Variants in SIK2 observed in about 807,000 individuals in gnomAD.
The protein encoded by SIK2 is salt inducible kinase 2.
Under a neutral mutation model 103.2 loss-of-function variants are expected in SIK2, and 29 were observed. That is an observed-to-expected ratio of 0.28 (90% CI 0.21 to 0.38). SIK2 has a LOEUF of 0.38. SIK2 is among the 10% of genes least tolerant of loss of function. SIK2 has a pLI of 1.00. For synonymous variants in SIK2, 412 were observed against 446.1 expected, an observed-to-expected ratio of 0.92 and a Z score of 0.96; for missense variants, 879 against 1,171.0, an observed-to-expected ratio of 0.75 and a Z score of 3.64.
intron 1 of SIK2, among the ~76,000 whole-genome samples, chr11:111,612,295 T>C (rs916494758): frequency 6.6e-6 from 1 of 152,180 alleles, no homozygotes; most frequent in Non-Finnish European, 1.5e-5. Context: ...GGGAAATAAA[T>C]GAGATAAAAT....
intron 3 of SIK2, among the ~76,000 whole-genome samples, chr11:111,667,285 A>G (rs994909751): frequency 3.3e-5 from 5 of 151,948 alleles, no homozygotes; most frequent in Non-Finnish European, 5.9e-5. Context: ...ATTACAGTAA[A>G]ATTCCTAAGT....
chr11:111,720,622 G>T lies in SIK2; in HGVS notation c.1640G>T (p.Arg547Leu), dbSNP rs199644978. The T allele has an allele frequency of 4.3e-6, 7 of 1,613,874 alleles. No individual in the cohort carries two copies. The highest frequency in any genetic ancestry group is 4.2e-6 in the Non-Finnish European group (5 of 1,180,024). Residue 547 changes from arginine (R) to leucine (L), a missense_variant, in exon 11 of 15, where the codon CGC (arginine) becomes CTC (leucine). Transcript: ENST00000304987. ...DIMLANQPSP[R>L]MTSPFISLRP... ...ATGTTAGCCAATCAGCCTTCACCCC[G>T]CATGACATCTCCCTTCATAAGCCTG... is the stretch of plus-strand genomic sequence containing the variant.
Position 111,602,715 on chromosome 11 carries a change from G to C in SIK2, c.135+17G>C. ...AAGACGGAGGTGCGGCCCGGGGCTC[G>C]GCGGGAGCGTCCGAGGCGAGGGTTC... is the stretch of plus-strand genomic sequence containing the variant. On this transcript the variant is annotated intron_variant, in intron 1 of 14. Transcript: ENST00000304987. This position sits in a 1 kb window ranked among gnomAD's most constrained non-coding sequence, Gnocchi z 4.5. The C allele has an allele frequency of 6.7e-7, 1 of 1,492,540 alleles. No individual in the cohort carries two copies. Among genetic ancestry groups the C allele is most frequent in the Admixed American group, 2.2e-5 (1 of 44,932 alleles). 92.5% of individuals were successfully genotyped at this position (1,492,540 alleles called of 1,614,324 possible).
rs773695344 is a variant in SIK2, at chr11:111,602,581, C to T, written c.18C>T (p.Gly6=). 10 of 1,529,092 alleles carry T rather than the reference C, an allele frequency of 6.5e-6. No homozygotes were observed. In the Admixed American group the frequency reaches 1.8e-4, roughly 28 times the overall value. 94.7% of individuals were successfully genotyped at this position (1,529,092 alleles called of 1,614,324 possible). The change falls in exon 1 of 15, where the codon GGC becomes GGT. Residue 6 remains glycine, a synonymous_variant. Coordinates refer to ENST00000304987, the MANE Select transcript of SIK2 (RefSeq NM_015191.3). The surrounding 1 kb of genome is among the most constrained non-coding windows in gnomAD (Gnocchi z 4.5). ...GGCCCAGCATGGTCATGGCGGATGG[C>T]CCGAGGCACTTGCAGCGCGGGCCGG... MVMAD[G]PRHLQRGPVR...
At chr11:111,606,969 A>C (rs1337172643) in intron 1 of SIK2, among the ~76,000 whole-genome samples, 5 of 151,346 alleles carry the variant, frequency 3.3e-5, no homozygotes, top group Admixed American at 6.6e-5. Flanking sequence ...AAAAAAAAAA[A>C]CTTATAAATA....
At chr11:111,654,407 A>G (rs896896763) in intron 3 of SIK2, among the ~76,000 whole-genome samples, 1 of 152,164 alleles carries the variant, frequency 6.6e-6, no homozygotes, top group African/African-American at 2.4e-5. Context: ...GATCTGAGTT[A>G]TTATTATTCA....
intron 3 of SIK2, among the ~76,000 whole-genome samples, chr11:111,625,503 A>G (rs1941949250): frequency 7.9e-5 from 12 of 152,218 alleles, no homozygotes; most frequent in Admixed American, 7.8e-4. Flanking sequence ...TTTAGAAAAG[A>G]GGAGAAACTA....
At chr11:111,661,732 A>G (rs543602414) in intron 3 of SIK2, among the ~76,000 whole-genome samples, 1 of 152,220 alleles carries the variant, frequency 6.6e-6, no homozygotes, top group Non-Finnish European at 1.5e-5. Context: ...CAGAAGGCGA[A>G]GGAGGAGCAA....
chr11:111,717,787 T>G (rs1943688826), intron 9 of SIK2, among the ~76,000 whole-genome samples: 1 of 152,182 alleles, frequency 6.6e-6, no homozygotes, highest in South Asian at 2.1e-4. Context: ...ATCATGTCCT[T>G]TGCAGGGACA....
rs11213978 is a variant in SIK2 at position 111,689,225 on chromosome 11, T to C, written c.478+1063T>C. Among the ~76,000 whole-genome samples, 1,186 of 152,270 alleles carry C rather than the reference T, an allele frequency of 7.8e-3. 43 individuals carry two copies. Among genetic ancestry groups the C allele is most frequent in the East Asian group, 0.066 (344 of 5,182 alleles). ...AGACCAGAATATGAAACATCTTGAA[T>C]GCCATGTCAAAGATTTTATAGTTTA... On this transcript the variant is annotated intron_variant, in intron 4 of 14. Coordinates refer to ENST00000304987, the MANE Select transcript of SIK2 (RefSeq NM_015191.3).
In SIK2 at chr11:111,720,515, C is replaced by G. The variant is rs1406577106; in HGVS notation, c.1533C>G (p.Asp511Glu). The change falls in exon 11 of 15, where the codon GAC becomes GAG. Residue 511 changes from aspartate (D) to glutamate (E), a missense_variant. Asp to Glu is a conservative substitution (Grantham distance 45). This residue lies in a region of SIK2 where 222 missense variants were observed against 258.0 expected (regional missense o/e 0.86). Transcript: ENST00000304987. ...IFSMNDSPSL[D>E]SVDSEYDMGS... ...CCATGAATGACAGCCCCTCCCTTGA[C>G]AGTGTGGACTCTGAGTATGATATGG... The G allele has an allele frequency of 1.2e-6, 2 of 1,611,326 alleles. No individual in the cohort carries two copies. Among genetic ancestry groups the G allele is most frequent in the Admixed American group, 3.4e-5 (2 of 59,376 alleles).
intron 3 of SIK2, among the ~76,000 whole-genome samples, chr11:111,669,460 G>A (rs1942593496): frequency 6.6e-6 from 1 of 152,038 alleles, no homozygotes; most frequent in Non-Finnish European, 1.5e-5. Flanking sequence ...ATCAGGCATG[G>A]TGGTGCATGC....
chr11:111,615,166 T>C (rs1941788435), intron 1 of SIK2, among the ~76,000 whole-genome samples: 2 of 149,234 alleles, frequency 1.3e-5, no homozygotes, highest in African/African-American at 5.0e-5. Context: ...AAAGTTTTCC[T>C]GAGGCCAGGC....
rs1943312571 is a variant in SIK2, at chr11:111,705,143, A to G, written c.1101+4A>G. 4 of 1,560,256 alleles carry G rather than the reference A, an allele frequency of 2.6e-6. No homozygotes were observed. In the Admixed American group the frequency reaches 6.6e-5, roughly 26 times the overall value. ...TGCTGAGCAAACAGTTGCCAAGGTA[A>G]TGCCCCCTTAGCTGAGAGTCTTATC... On this transcript the variant is annotated splice_donor_region_variant and intron_variant, in intron 8 of 14. Transcript: ENST00000304987. The surrounding 1 kb of genome is among the most constrained non-coding windows in gnomAD (Gnocchi z 4.3).
chr11:111,623,038 G>A (rs187059967), intron 3 of SIK2, among the ~76,000 whole-genome samples: 5 of 152,196 alleles, frequency 3.3e-5, no homozygotes, highest in South Asian at 4.2e-4. Context: ...CCAGTCAAAT[G>A]TATATTAAAC....
At chr11:111,605,201 G>A (rs1941634013) in intron 1 of SIK2, among the ~76,000 whole-genome samples, 1 of 152,138 alleles carries the variant, frequency 6.6e-6, no homozygotes, top group Non-Finnish European at 1.5e-5. Flanking sequence ...GACCTCAAGT[G>A]ATCCACACGC....
Position 111,705,362 on chromosome 11 carries a change from C to A in SIK2, c.1101+223C>A, listed in dbSNP as rs1943320331. Among the ~76,000 whole-genome samples, 1 of 152,180 alleles carries A rather than the reference C, an allele frequency of 6.6e-6. No homozygotes were observed. On this transcript the variant is annotated intron_variant, in intron 8 of 14. Transcript: ENST00000304987. The surrounding 1 kb of genome is among the most constrained non-coding windows in gnomAD (Gnocchi z 4.3). ...TTTTTAAAATTGTTTTCATCATTCA[C>A]AATGTTGAGAATTACTATCACTAGC...
intron 3 of SIK2, among the ~76,000 whole-genome samples, chr11:111,663,349 G>A (rs1591606065): frequency 6.6e-6 from 1 of 152,156 alleles, no homozygotes; most frequent in African/African-American, 2.4e-5. Context: ...TAGGAAGAAA[G>A]CAATGTGGAT....
chr11:111,644,204 A>T (rs1228117781), intron 3 of SIK2, among the ~76,000 whole-genome samples: 1 of 149,896 alleles, frequency 6.7e-6, no homozygotes, highest in African/African-American at 2.5e-5. Context: ...CAGGAGAATC[A>T]CTTGAACCCA....
Sources: allele counts gnomAD v4.1 joint callset (sites outside exome capture counted in the v4.1 genomes callset), GRCh38; gene constraint gnomAD v4.1.1; regional missense constraint gnomAD v4.1.1; non-coding constraint Gnocchi (gnomAD v3.1); transcripts MANE v1.5; gene names NCBI Gene and HGNC (gene_info 2026-07-23, HGNC 2026-07-21).